Variants in CFAP299 observed in about 807,000 individuals in gnomAD.
The protein encoded by CFAP299 is cilia and flagella associated protein 299.
Under a neutral mutation model 27.0 loss-of-function variants are expected in CFAP299, and 21 were observed. The observed-to-expected ratio is 0.78, with a 90% CI of 0.55 to 1.12. The LOEUF (loss-of-function observed/expected upper bound fraction) is 1.12. CFAP299 is among the 50% of genes most tolerant of loss of function. The probability of loss-of-function intolerance (pLI) is 0.00; values close to 1 mark genes in which losing one functional copy is unlikely to be tolerated. For synonymous variants in CFAP299, 104 were observed against 98.1 expected (o/e 1.06, Z -0.36); for missense variants, 310 against 276.6 (o/e 1.12, Z -0.86).
chr4:80,493,461 G>A (rs1731247615), intron 2 of CFAP299, among the ~76,000 whole-genome samples: 3 of 152,144 alleles, frequency 2.0e-5, no homozygotes, highest in Admixed American at 2.0e-4. Context: ...GCGGAGTCAG[G>A]GCAGAGCAGA....
chr4:80,674,325 T>G (rs1299310774), intron 3 of CFAP299, among the ~76,000 whole-genome samples: 1 of 152,182 alleles, frequency 6.6e-6, no homozygotes, highest in Admixed American at 6.5e-5. Context: ...AAAATTCTTT[T>G]CTTTAATAAT....
rs1264756897 is a variant in CFAP299, at chr4:80,461,443, T to TA, written c.242+98563dup. The stretch of plus-strand genomic sequence containing the variant: ...ATATTTTGGGCAAAATATATTGGGG[T>TA]AAAATACTTAGATTTCTTTCAGGGC... On this transcript the variant is annotated intron_variant, in intron 2 of 5. Coordinates refer to ENST00000358105, the MANE Select transcript of CFAP299 (RefSeq NM_152770.3). Among the ~76,000 whole-genome samples, 7 of 152,156 alleles carry TA rather than the reference T, an allele frequency of 4.6e-5. No homozygotes were observed. In the East Asian group the frequency reaches 1.3e-3, roughly 29 times the overall value.
intron 3 of CFAP299, among the ~76,000 whole-genome samples, chr4:80,849,298 G>A (rs996678823): frequency 6.6e-6 from 1 of 152,116 alleles, no homozygotes; most frequent in Non-Finnish European, 1.5e-5. Flanking sequence ...CTCCATTATA[G>A]TAGTATGGGA....
chr4:80,800,005 A>G (rs1353199986), intron 3 of CFAP299, among the ~76,000 whole-genome samples: 1 of 59,366 alleles, frequency 1.7e-5, no homozygotes, highest in Non-Finnish European at 2.8e-5. Flanking sequence ...ATTATGATAT[A>G]TAATAAGTAA....
At chr4:80,740,626 C>T (rs1316009173) in intron 3 of CFAP299, among the ~76,000 whole-genome samples, 1 of 152,130 alleles carries the variant, frequency 6.6e-6, no homozygotes, top group African/African-American at 2.4e-5. Flanking sequence ...TAGTGAGTTC[C>T]CACAGGCCCT....
chr4:80,475,930 T>A (rs187809740), intron 2 of CFAP299, among the ~76,000 whole-genome samples: 13 of 152,288 alleles, frequency 8.5e-5, no homozygotes, highest in African/African-American at 3.1e-4. Context: ...GCCAGGAGAA[T>A]GTGACGACCC....
intron 2 of CFAP299, among the ~76,000 whole-genome samples, chr4:80,412,616 C>G (rs1726778593): frequency 6.6e-6 from 1 of 152,124 alleles, no homozygotes; most frequent in Non-Finnish European, 1.5e-5. Context: ...AACTGGGAGA[C>G]ATGGGCATAG....
intron 4 of CFAP299, among the ~76,000 whole-genome samples, chr4:80,913,020 C>T (rs1264787394): frequency 6.6e-6 from 1 of 152,160 alleles, no homozygotes. Context: ...TAGTCCCCTC[C>T]ACCATTATAT....
rs368465937 is a variant in CFAP299 at position 80,513,246 on chromosome 4, CT to C, written c.243-69845del. On this transcript the variant is annotated intron_variant, in intron 2 of 5. Transcript: ENST00000358105. ...GGGAATTTCCATATTAAGTGTTATA[CT>C]TAAACAATTCTGAAACATTTTAGGC... is the stretch of plus-strand genomic sequence containing the variant. 6.6e-5 allele frequency among the ~76,000 whole-genome samples: 10 copies of C among 152,148 alleles called. 1 individual carries two copies. Among genetic ancestry groups the C allele is most frequent in the African/African-American group, 2.4e-4 (10 of 41,508 alleles).
At chr4:80,632,610 G>A (rs1320959246) in intron 3 of CFAP299, among the ~76,000 whole-genome samples, 3 of 152,020 alleles carry the variant, frequency 2.0e-5, no homozygotes, top group Admixed American at 2.0e-4. Context: ...GCATGCAGAG[G>A]CAGATTAACT....
At chr4:80,446,072 T>TA (rs1203920600) in intron 2 of CFAP299, among the ~76,000 whole-genome samples, 1 of 152,210 alleles carries the variant, frequency 6.6e-6, no homozygotes, top group Non-Finnish European at 1.5e-5. Context: ...GAGATTAGCA[T>TA]GCTTGACATG....
intron 2 of CFAP299, among the ~76,000 whole-genome samples, chr4:80,464,654 G>A (rs536128185): frequency 1.3e-5 from 2 of 152,246 alleles, no homozygotes; most frequent in East Asian, 3.9e-4. Flanking sequence ...AAAGTTAGTA[G>A]TATTAAAATA....
intron 1 of CFAP299, among the ~76,000 whole-genome samples, chr4:80,350,919 T>G (rs1416646683): frequency 2.0e-5 from 3 of 152,070 alleles, no homozygotes; most frequent in Non-Finnish European, 4.4e-5. Context: ...CTGCACTTTC[T>G]GCACATGTAT....
At chr4:80,766,618 G>A (rs1422992286) in intron 3 of CFAP299, among the ~76,000 whole-genome samples, 3 of 152,054 alleles carry the variant, frequency 2.0e-5, no homozygotes, top group Admixed American at 6.6e-5. Flanking sequence ...AAAACTTTAT[G>A]GCTCTTCTTC....
chr4:80,540,819 C>T (rs1332629405), intron 2 of CFAP299, among the ~76,000 whole-genome samples: 1 of 152,060 alleles, frequency 6.6e-6, no homozygotes, highest in East Asian at 1.9e-4. Flanking sequence ...TCACAAATGC[C>T]ACCAAGTATT....
At chr4:80,572,506 A>ATT in intron 2 of CFAP299, among the ~76,000 whole-genome samples, 1 of 28,262 alleles carries the variant, frequency 3.5e-5, no homozygotes, top group South Asian at 1.4e-3. Flanking sequence ...ACTGGATCCC[A>ATT]GTTTTTTTTT....
At chr4:80,604,017 A>G (rs1737504791) in intron 3 of CFAP299, among the ~76,000 whole-genome samples, 1 of 152,166 alleles carries the variant, frequency 6.6e-6, no homozygotes, top group Non-Finnish European at 1.5e-5. Flanking sequence ...TGAATATAAA[A>G]TTACATATTA....
At chr4:80,335,917 G>A in intron 1 of CFAP299, 38 bp downstream of exon 1, 2 of 1,247,850 alleles carry the variant, frequency 1.6e-6, no homozygotes, top group South Asian at 1.2e-5. Context: ...GCCGCCGCGC[G>A]TCCCTCGGTC....
chr4:80,858,301 T>C lies in CFAP299; in HGVS notation c.334-11692T>C, dbSNP rs1224440942. Among the ~76,000 whole-genome samples, 10 of 151,982 alleles carry C rather than the reference T, an allele frequency of 6.6e-5. No individual in the cohort carries two copies. The South Asian group carries it at 1.9e-3, about 28-fold the overall frequency. Reference sequence around the variant, plus strand: ...TGTCTATTTGATTCTTCTCTCTTTTTTTCTTTATTAGTCTTGCTAGCGGTC... The same window carrying C: ...TGTCTATTTGATTCTTCTCTCTTTTCTTCTTTATTAGTCTTGCTAGCGGTC... On this transcript the variant is annotated intron_variant, in intron 3 of 5. Transcript: ENST00000358105.
Sources: gnomAD v4.1 joint callset for allele counts (sites outside exome capture counted in the v4.1 genomes callset) on GRCh38, gnomAD v4.1.1 for gene constraint, MANE v1.5 for transcripts, NCBI Gene and HGNC (gene_info 2026-07-23, HGNC 2026-07-21) for gene names.